Variants in USH2A observed in about 807,000 individuals in gnomAD.
The protein encoded by USH2A is usherin, also known as Usher syndrome 2A (autosomal recessive, mild).
A neutral mutation model predicts 538.9 loss-of-function variants in USH2A; 443 were observed. The observed-to-expected ratio is 0.82, with a 90% CI of 0.76 to 0.89. The LOEUF (loss-of-function observed/expected upper bound fraction) is 0.89, where lower values mean the gene tolerates loss of function less well. Among genes scored for constraint, USH2A ranks in the 40% least tolerant of loss-of-function variants. USH2A has a pLI of 0.00. For missense variants in USH2A, 6,633 were observed against 6,324.8 expected (o/e 1.05, Z -1.65); for synonymous variants, 2,413 against 2,273.5 (o/e 1.06, Z -1.75).
At chr1:216,382,840 T>C (rs923053497) in intron 3 of USH2A, among the ~76,000 whole-genome samples, 6 of 152,146 alleles carry the variant, frequency 3.9e-5, no homozygotes, top group African/African-American at 1.4e-4. Flanking sequence ...CAACTTCTTA[T>C]GTATCTTGGA....
At chr1:216,207,943 G>A (rs527374423) in intron 15 of USH2A, among the ~76,000 whole-genome samples, 2 of 150,434 alleles carry the variant, frequency 1.3e-5, no homozygotes, top group African/African-American at 5.0e-5. Context: ...AGCTATGGAT[G>A]TTAAATAATC....
Position 216,232,080 on chromosome 1 carries a change from T to C in USH2A, c.2866A>G (p.Thr956Ala). ...TGCLPCSCHT[T>A]GAVNHICNSL... is the part of the protein sequence containing the mutation. ...TTACAGATGTGATTAACTGCACCAG[T>C]TGTATGGCATGAGCATGGCAGGCAG... Residue 956 changes from threonine to alanine, a missense_variant, in exon 14 of 72, where the codon ACT becomes GCT. Thr to Ala is a moderately conservative substitution (Grantham distance 58). Coordinates refer to ENST00000307340, the MANE Select transcript of USH2A (RefSeq NM_206933.4). 6.2e-7 allele frequency: 1 copy of C among 1,614,018 alleles called. No individual in the cohort carries two copies. The highest frequency in any genetic ancestry group is 8.5e-7 in the Non-Finnish European group (1 of 1,179,922).
chr1:216,019,278 A>C (rs1237996830), intron 32 of USH2A, among the ~76,000 whole-genome samples: 1 of 152,194 alleles, frequency 6.6e-6, no homozygotes, highest in Non-Finnish European at 1.5e-5. Context: ...GCTTAAGGAG[A>C]AATGTTTAGC....
At chr1:215,831,803 TAGAG>T (rs1663326301) in intron 47 of USH2A, among the ~76,000 whole-genome samples, 1 of 151,674 alleles carries the variant, frequency 6.6e-6, no homozygotes, top group Non-Finnish European at 1.5e-5. Flanking sequence ...AAGAAAACAA[TAGAG>T]AGCAGAAATC....
chr1:216,002,188 T>C (rs1028064879), intron 32 of USH2A, among the ~76,000 whole-genome samples: 3 of 152,146 alleles, frequency 2.0e-5, no homozygotes, highest in Admixed American at 1.3e-4. Context: ...AGCAGTGGCC[T>C]CAGATGCTAC....
At chr1:216,355,982 C>A (rs2038386351) in intron 4 of USH2A, among the ~76,000 whole-genome samples, 1 of 152,062 alleles carries the variant, frequency 6.6e-6, no homozygotes, top group African/African-American at 2.4e-5. Flanking sequence ...GCTCTCTGAT[C>A]ACCCTGAAAA....
intron 30 of USH2A, among the ~76,000 whole-genome samples, chr1:216,051,180 C>T (rs2102529285): frequency 6.6e-6 from 1 of 152,254 alleles, no homozygotes; most frequent in East Asian, 1.9e-4. Flanking sequence ...CCTTATCTTT[C>T]AGTGATCACA....
intron 18 of USH2A, among the ~76,000 whole-genome samples, chr1:216,197,022 G>A (rs2034863488): frequency 2.6e-5 from 4 of 152,088 alleles, no homozygotes; most frequent in African/African-American, 7.2e-5. Context: ...GAAATTATAA[G>A]TCTTACGAGT....
chr1:216,200,253 T>C, intron 16 of USH2A, 132 bp from the exon 17 acceptor site: 1 of 976,776 alleles, frequency 1.0e-6, no homozygotes, highest in Non-Finnish European at 1.5e-6. Flanking sequence ...TAAGGATACA[T>C]TTCATATTTT....
In USH2A at chr1:215,634,604, CCCAGCATCGCCATTAACACTATGAA is replaced by C; in HGVS notation, c.15127_15151del (p.Phe5043AlafsTer2). On this transcript the variant is annotated frameshift_variant, in exon 70 of 72. Transcript: ENST00000307340. LOFTEE classifies it high-confidence loss of function. ...CAGAAAAATGGCCAACAAGATCAAGCCCAGCATCGCCATTAACACTATGAACCACAGCTCGCTGTAGAACTCTGTG... is the reference window on the plus strand; with the variant it reads ...CAGAAAAATGGCCAACAAGATCAAGCCCACAGCTCGCTGTAGAACTCTGTG... 2 of 1,614,192 alleles carry C rather than the reference CCCAGCATCGCCATTAACACTATGAA, an allele frequency of 1.2e-6. No individual in the cohort carries two copies. Among genetic ancestry groups the C allele is most frequent in the South Asian group, 2.2e-5 (2 of 91,084 alleles).
chr1:216,075,916 T>C (rs1382722515), intron 27 of USH2A, among the ~76,000 whole-genome samples: 1 of 146,580 alleles, frequency 6.8e-6, no homozygotes, highest in Admixed American at 6.8e-5. Context: ...AAAAAAAAGG[T>C]GCTAATTAAG....
intron 64 of USH2A, among the ~76,000 whole-genome samples, chr1:215,654,780 T>C (rs1013995777): frequency 6.6e-6 from 1 of 152,232 alleles, no homozygotes; most frequent in African/African-American, 2.4e-5. Flanking sequence ...GTTTTCAATG[T>C]AATATATTTT....
intron 41 of USH2A, among the ~76,000 whole-genome samples, chr1:215,880,892 T>TTATAGGTTATGGTTTAAATGTTAAAGA (rs1664887402): frequency 6.6e-6 from 1 of 152,138 alleles, no homozygotes; most frequent in Admixed American, 6.5e-5. Flanking sequence ...TGGTTATAGG[T>TTATAGGTTATGGTTTAAATGTTAAAGA]CTAACATTTA....
Position 215,861,098 on chromosome 1 carries a change from G to A in USH2A, c.8845+5909C>T, listed in dbSNP as rs181685813. Among the ~76,000 whole-genome samples, 4 of 152,260 alleles carry A rather than the reference G, an allele frequency of 2.6e-5. No individual in the cohort carries two copies. The East Asian group carries it at 7.7e-4, about 29-fold the overall frequency. The stretch of plus-strand genomic sequence containing the variant: ...AACTTCTTGGGCAATAATCCTTCAA[G>A]TCAGCCTCCTTAGTTTTCCGAGCAG... On this transcript the variant is annotated intron_variant, in intron 44 of 71. Transcript: ENST00000307340.
At chr1:216,045,191 G>A (rs993331056) in intron 32 of USH2A, among the ~76,000 whole-genome samples, 2 of 152,030 alleles carry the variant, frequency 1.3e-5, no homozygotes, top group African/African-American at 4.8e-5. Flanking sequence ...AATATCTCTA[G>A]GCCTTGGTTT....
intron 49 of USH2A, among the ~76,000 whole-genome samples, chr1:215,803,030 A>G (rs1209504147): frequency 6.6e-6 from 1 of 152,206 alleles, no homozygotes; most frequent in African/African-American, 2.4e-5. Flanking sequence ...AGCGACAAAA[A>G]CCACATGATT....
intron 32 of USH2A, among the ~76,000 whole-genome samples, chr1:216,037,085 C>A (rs547220514): frequency 2.0e-5 from 3 of 152,056 alleles, no homozygotes; most frequent in Non-Finnish European, 4.4e-5. Context: ...TCAATGCAGT[C>A]TTTTTTACAT....
chr1:215,704,558 T>C (rs1659130915), intron 61 of USH2A, among the ~76,000 whole-genome samples: 1 of 152,174 alleles, frequency 6.6e-6, no homozygotes, highest in African/African-American at 2.4e-5. Context: ...TGGTTTTGAT[T>C]GCCAGCCCTT....
chr1:216,415,415 C>T lies in USH2A; in HGVS notation c.651+3099G>A, dbSNP rs74141596. Reference sequence around the variant, plus strand: ...AGTACATTCCTTATTAAACAACTATCATATGGATTCCTATAAATTTTATTC... The same window carrying T: ...AGTACATTCCTTATTAAACAACTATTATATGGATTCCTATAAATTTTATTC... On this transcript the variant is annotated intron_variant, in intron 3 of 71. Transcript: ENST00000307340. 4.6e-3 allele frequency among the ~76,000 whole-genome samples: 693 copies of T among 151,780 alleles called. 6 individuals carry two copies. Among genetic ancestry groups the T allele is most frequent in the African/African-American group, 0.016 (665 of 41,402 alleles).
Sources: gnomAD v4.1 joint callset for allele counts (sites outside exome capture counted in the v4.1 genomes callset) on GRCh38, gnomAD v4.1.1 for gene constraint, MANE v1.5 for transcripts, NCBI Gene and HGNC (gene_info 2026-07-23, HGNC 2026-07-21) for gene names.